The following STARD13 variants were observed in gnomAD, a reference collection of about 807,000 sequenced individuals.
The protein encoded by STARD13 is StAR related lipid transfer domain containing 13, also known as stAR-related lipid transfer protein 13.
In STARD13, 62 loss-of-function variants were observed where a neutral mutation model predicts 106.4. That is an observed-to-expected ratio of 0.58 (90% CI 0.48 to 0.72). The LOEUF (loss-of-function observed/expected upper bound fraction) is 0.72. Among genes scored for constraint, STARD13 ranks in the 30% least tolerant of loss-of-function variants. STARD13 has a pLI of 0.00. For synonymous variants in STARD13, 565 were observed against 553.0 expected (o/e 1.02, Z -0.31); for missense variants, 1,387 against 1,424.0 (o/e 0.97, Z 0.42).
the STARD13 span, among the ~76,000 whole-genome samples, chr13:33,590,536 C>A: frequency 6.6e-6 from 1 of 151,776 alleles, no homozygotes; most frequent in South Asian, 2.1e-4. Context: ...AGGATGAGTT[C>A]ATGTCCTTTG....
intron 1 of STARD13, among the ~76,000 whole-genome samples, chr13:33,257,997 T>C (rs776205574): frequency 2.6e-5 from 4 of 152,242 alleles, no homozygotes; most frequent in Non-Finnish European, 4.4e-5. Flanking sequence ...AAAAGATAAT[T>C]AAAACTCACT....
upstream of STARD13, among the ~76,000 whole-genome samples, chr13:33,289,707 G>T (rs1052547967): frequency 1.3e-5 from 2 of 152,098 alleles, no homozygotes; most frequent in Non-Finnish European, 2.9e-5. Flanking sequence ...GGAAATATGG[G>T]TATGGGGCGG....
At chr13:33,470,657 C>T in the STARD13 span, among the ~76,000 whole-genome samples, 5 of 152,190 alleles carry the variant, frequency 3.3e-5, no homozygotes, top group Non-Finnish European at 7.3e-5. Context: ...TTTTGATTTG[C>T]ATTTCTCTAA....
the STARD13 span, among the ~76,000 whole-genome samples, chr13:33,523,873 G>A: frequency 6.6e-6 from 1 of 152,044 alleles, no homozygotes; most frequent in Non-Finnish European, 1.5e-5. Context: ...AGACTAACCC[G>A]ACAGGGAGAC....
rs1007890979 is a variant in STARD13 at position 33,111,791 on chromosome 13, T to C, written c.2594A>G (p.Asp865Gly). ...QGLAHMIMEC[D>G]RLFEVPHELV... ...CCTTTTGCTCACCTCAAAAAGTCTG[T>C]CGCATTCCATGATCATGTGCGCTAG... The change falls in exon 10 of 14, where the codon GAC becomes GGC. Residue 865 changes from aspartate to glycine, a missense_variant. Coordinates refer to ENST00000336934, the MANE Select transcript of STARD13 (RefSeq NM_178006.4). The C allele has an allele frequency of 6.2e-7, 1 of 1,613,752 alleles. No homozygotes were observed.
chr13:33,287,700 T>C (rs1029783262), upstream of STARD13, among the ~76,000 whole-genome samples: 8 of 152,172 alleles, frequency 5.3e-5, no homozygotes, highest in Non-Finnish European at 1.2e-4. Context: ...ATTAAGGTGC[T>C]TGCATCAGCT....
chr13:33,303,204 G>A (rs1566127818), intron 1 of STARD13, among the ~76,000 whole-genome samples: 1 of 152,022 alleles, frequency 6.6e-6, no homozygotes, highest in Non-Finnish European at 1.5e-5. Flanking sequence ...ATAGTCATTG[G>A]GCCTTTCACT....
chr13:33,417,635 A>C, the STARD13 span, among the ~76,000 whole-genome samples: 1 of 152,228 alleles, frequency 6.6e-6, no homozygotes, highest in Non-Finnish European at 1.5e-5. Flanking sequence ...ATGAGCCTTG[A>C]AAATGTTATG....
Position 33,189,153 on chromosome 13 carries a change from A to G in STARD13, c.170-21531T>C, listed in dbSNP as rs954341645. Among the ~76,000 whole-genome samples the G allele has an allele frequency of 2.6e-5, 4 of 152,182 alleles. No individual in the cohort carries two copies. The South Asian group carries it at 6.2e-4, about 24-fold the overall frequency. ...ATAGCTCGATGCTTCATATAAAACC[A>G]TAAGGAAGAACTACAAACAAAGCTT... On this transcript the variant is annotated intron_variant, in intron 1 of 13. Transcript: ENST00000336934.
chr13:33,530,762 C>A, the STARD13 span, among the ~76,000 whole-genome samples: 2 of 152,098 alleles, frequency 1.3e-5, no homozygotes, highest in African/African-American at 4.8e-5. Flanking sequence ...TATATGTATT[C>A]ATTCATTAGA....
At chr13:33,152,361 C>T (rs929947035) in intron 3 of STARD13, among the ~76,000 whole-genome samples, 1 of 151,566 alleles carries the variant, frequency 6.6e-6, no homozygotes, top group Non-Finnish European at 1.5e-5. Context: ...CTTCTCAAAA[C>T]CCATGCTACT....
At chr13:33,183,563 TG>T (rs1301782175) in intron 1 of STARD13, among the ~76,000 whole-genome samples, 1 of 152,240 alleles carries the variant, frequency 6.6e-6, no homozygotes, top group East Asian at 1.9e-4. Flanking sequence ...CTACTATTGC[TG>T]GGGCTGTGGT....
the STARD13 span, among the ~76,000 whole-genome samples, chr13:33,589,548 C>T: frequency 2.0e-3 from 310 of 152,230 alleles, no homozygotes; most frequent in African/African-American, 7.1e-3. Flanking sequence ...GCCTTCATTT[C>T]GTTATGTACC....
At chr13:33,461,991 A>G in the STARD13 span, among the ~76,000 whole-genome samples, 1 of 152,240 alleles carries the variant, frequency 6.6e-6, no homozygotes, top group Admixed American at 6.5e-5. Flanking sequence ...ACATGCAACC[A>G]CAATGAAGAA....
chr13:33,666,413 C>A, the STARD13 span, among the ~76,000 whole-genome samples: 12 of 152,244 alleles, frequency 7.9e-5, no homozygotes, highest in East Asian at 2.1e-3. Context: ...CCTGCCTCAG[C>A]CTCCCAAGTA....
chr13:33,492,290 A>C, the STARD13 span, among the ~76,000 whole-genome samples: 1 of 152,202 alleles, frequency 6.6e-6, no homozygotes, highest in Non-Finnish European at 1.5e-5. Flanking sequence ...CATTTACTGA[A>C]TGTCTACCAG....
chr13:33,185,173 GA>G (rs762169521), intron 1 of STARD13, among the ~76,000 whole-genome samples: 4 of 152,182 alleles, frequency 2.6e-5, no homozygotes, highest in Admixed American at 6.5e-5. Flanking sequence ...CTGCACTCTA[GA>G]CATTTATGAT....
At chr13:33,150,999 T>C (rs1219256424) in intron 3 of STARD13, among the ~76,000 whole-genome samples, 1 of 152,188 alleles carries the variant, frequency 6.6e-6, no homozygotes, top group African/African-American at 2.4e-5. Flanking sequence ...CCATGTGGGA[T>C]AGAAACATGA....
intron 12 of STARD13, among the ~76,000 whole-genome samples, chr13:33,109,073 T>C (rs183104085): frequency 6.6e-6 from 1 of 152,366 alleles, no homozygotes; most frequent in Non-Finnish European, 1.5e-5. Context: ...GAAAGCGTTT[T>C]AAATATACAT....
Sources: gnomAD v4.1 joint callset for allele counts (sites outside exome capture counted in the v4.1 genomes callset) on GRCh38, gnomAD v4.1.1 for gene constraint, MANE v1.5 for transcripts, NCBI Gene and HGNC (gene_info 2026-07-23, HGNC 2026-07-21) for gene names.